The following DNAI4 variants were observed in gnomAD, a reference collection of about 807,000 sequenced individuals.
The protein encoded by DNAI4 is WD repeat domain 78.
DNAI4 carries 85 observed loss-of-function variants against 105.8 expected under a neutral mutation model. The ratio of observed to expected loss-of-function variants is 0.80; its 90% CI spans 0.67 to 0.96. The LOEUF (loss-of-function observed/expected upper bound fraction) is 0.96. DNAI4 is among the 40% of genes least tolerant of loss of function. The pLI, the probability that DNAI4 is intolerant of heterozygous loss-of-function variation, is 0.00. For synonymous variants in DNAI4, 352 were observed against 331.5 expected (o/e 1.06, Z -0.67); for missense variants, 1,014 against 1,005.6 (o/e 1.01, Z -0.11).
intron 5 of DNAI4, among the ~76,000 whole-genome samples, chr1:66,873,777 T>C (rs1646899627): frequency 6.6e-6 from 1 of 152,046 alleles, no homozygotes; most frequent in Non-Finnish European, 1.5e-5. Flanking sequence ...TATGTTAATA[T>C]TAACATTTCT....
intron 10 of DNAI4, among the ~76,000 whole-genome samples, chr1:66,836,384 A>G (rs532482227): frequency 1.8e-4 from 27 of 152,022 alleles, no homozygotes; most frequent in African/African-American, 6.0e-4. Context: ...GCCTTCTACA[A>G]TAATTATATT....
chr1:66,882,417 T>C (rs1023061889), intron 4 of DNAI4, among the ~76,000 whole-genome samples: 3 of 152,202 alleles, frequency 2.0e-5, no homozygotes, highest in African/African-American at 4.8e-5. Context: ...TTCCTGATGT[T>C]TTTCAAAAAG....
intron 15 of DNAI4, 98 bp downstream of exon 15, chr1:66,826,722 A>G (rs1645761605): frequency 9.7e-7 from 1 of 1,034,146 alleles, no homozygotes; most frequent in Non-Finnish European, 1.4e-6. Context: ...CTTCTTTTAA[A>G]GTAACTACAA....
chr1:66,893,999 T>C (rs1648091242), intron 2 of DNAI4, among the ~76,000 whole-genome samples: 1 of 152,234 alleles, frequency 6.6e-6, no homozygotes, highest in Non-Finnish European at 1.5e-5. Flanking sequence ...CTGCCAGTCA[T>C]ATAAAAGTAT....
Position 66,828,765 on chromosome 1 carries a change from T to A in DNAI4, c.2014-855A>T, listed in dbSNP as rs77074766. 5.4e-3 allele frequency among the ~76,000 whole-genome samples: 823 copies of A among 152,252 alleles called. 2 individuals carry two copies. The highest frequency in any genetic ancestry group is 0.019 in the African/African-American group (789 of 41,560). On this transcript the variant is annotated intron_variant, in intron 13 of 16. Coordinates refer to ENST00000371026, the MANE Select transcript of DNAI4 (RefSeq NM_024763.5). ...ACATAAGTTTTCATTTTCTGTTATA[T>A]TTAGCATTTTTTGTGCTTTAAGAAA...
chr1:66,843,934 A>G (rs955019652), intron 8 of DNAI4, among the ~76,000 whole-genome samples: 1 of 151,976 alleles, frequency 6.6e-6, no homozygotes, highest in Non-Finnish European at 1.5e-5. Context: ...AATATTAAAT[A>G]CCTATATTAG....
chr1:66,819,006 T>A (rs112512651), intron 16 of DNAI4, among the ~76,000 whole-genome samples: 2,485 of 152,340 alleles, frequency 0.016, 31 homozygotes, highest in Non-Finnish European at 0.026. Flanking sequence ...GATGTGATTC[T>A]CTATGGCTTG....
intron 11 of DNAI4, 63 bp downstream of exon 11, chr1:66,835,563 C>T (rs1645966732): frequency 1.3e-6 from 2 of 1,516,470 alleles, no homozygotes; most frequent in South Asian, 1.2e-5. Flanking sequence ...AACTAAATAA[C>T]ATTAGAGTAA....
intron 15 of DNAI4, among the ~76,000 whole-genome samples, chr1:66,824,719 T>C (rs904956310): frequency 6.6e-6 from 1 of 152,122 alleles, no homozygotes; most frequent in Non-Finnish European, 1.5e-5. Context: ...TTGTCTGTTG[T>C]TGGTGTATAA....
intron 13 of DNAI4, among the ~76,000 whole-genome samples, chr1:66,831,051 T>C (rs1214167953): frequency 1.3e-5 from 2 of 150,444 alleles, no homozygotes; most frequent in African/African-American, 4.9e-5. Context: ...AAGGGAGTAT[T>C]ATGTCAATAG....
chr1:66,874,210 A>G (rs1337090902), intron 5 of DNAI4, among the ~76,000 whole-genome samples: 1 of 151,970 alleles, frequency 6.6e-6, no homozygotes, highest in East Asian at 1.9e-4. Flanking sequence ...AAACATAACA[A>G]TCCTTAAATG....
intron 9 of DNAI4, among the ~76,000 whole-genome samples, chr1:66,839,646 G>A (rs577584966): frequency 6.6e-6 from 1 of 152,170 alleles, no homozygotes; most frequent in South Asian, 2.1e-4. Flanking sequence ...AATATCTTCA[G>A]AACCAGTTTA....
intron 1 of DNAI4, among the ~76,000 whole-genome samples, chr1:66,922,192 G>C (rs1181801662): frequency 6.6e-6 from 1 of 152,048 alleles, no homozygotes; most frequent in African/African-American, 2.4e-5. Context: ...CTCATAAAGT[G>C]GTGGAATTAC....
In DNAI4 at chr1:66,833,571, G is replaced by A; in HGVS notation, c.2013+14C>T. The A allele has an allele frequency of 1.2e-6, 2 of 1,611,506 alleles. No homozygotes were observed. On this transcript the variant is annotated intron_variant, in intron 13 of 16. Coordinates refer to ENST00000371026, the MANE Select transcript of DNAI4 (RefSeq NM_024763.5). ...TTGTTATGTCCAGTGGTAAATAAGAGTGAAATAATTTACCTTGGGATGAAA... is the reference window on the plus strand; with the variant it reads ...TTGTTATGTCCAGTGGTAAATAAGAATGAAATAATTTACCTTGGGATGAAA...
intron 2 of DNAI4, among the ~76,000 whole-genome samples, chr1:66,897,348 C>CA (rs886552866): frequency 6.6e-6 from 1 of 151,988 alleles, no homozygotes; most frequent in African/African-American, 2.4e-5. Flanking sequence ...GATGAGATTA[C>CA]AAAAAACAAT....
chr1:66,819,905 T>C (rs112208231), intron 16 of DNAI4, among the ~76,000 whole-genome samples: 11 of 152,200 alleles, frequency 7.2e-5, no homozygotes, highest in African/African-American at 2.6e-4. Flanking sequence ...AGAGACTTTT[T>C]TTTTAAAAAA....
Position 66,905,270 on chromosome 1 carries a change from G to A in DNAI4, c.276C>T (p.Ser92=). 6.3e-7 allele frequency: 1 copy of A among 1,587,204 alleles called. No homozygotes were observed. Among genetic ancestry groups the A allele is most frequent in the Non-Finnish European group, 8.6e-7 (1 of 1,161,938 alleles). The change falls in exon 2 of 17, where the codon TCC becomes TCT. Residue 92 remains serine (S), a synonymous_variant. Transcript: ENST00000371026. ...GTTCAGGTGGAATAAGCACGGTTTTGGACACAGCCATTCTGCTTTGATTTG... is the reference window on the plus strand; with the variant it reads ...GTTCAGGTGGAATAAGCACGGTTTTAGACACAGCCATTCTGCTTTGATTTG... ...TGANQSRMAV[S]KTVLIPPELK...
intron 8 of DNAI4, 51 bp from the exon 9 acceptor site, chr1:66,840,722 C>A: frequency 6.3e-7 from 1 of 1,579,798 alleles, no homozygotes; most frequent in South Asian, 1.1e-5. Flanking sequence ...CTATAGGGAC[C>A]TGCCAAAGGC....
intron 4 of DNAI4, among the ~76,000 whole-genome samples, chr1:66,885,457 G>C (rs1457022229): frequency 6.6e-6 from 1 of 152,154 alleles, no homozygotes; most frequent in Non-Finnish European, 1.5e-5. Flanking sequence ...TCTGGATATA[G>C]AATTATAGAA....
Sources: gnomAD v4.1 joint callset for allele counts (sites outside exome capture counted in the v4.1 genomes callset) on GRCh38, gnomAD v4.1.1 for gene constraint, MANE v1.5 for transcripts, NCBI Gene and HGNC (gene_info 2026-07-23, HGNC 2026-07-21) for gene names.